The following OSBPL8 variants were observed in gnomAD, a reference collection of about 807,000 sequenced individuals.
OSBPL8 encodes oxysterol-binding protein-related protein 8.
Under a neutral mutation model 125.5 loss-of-function variants are expected in OSBPL8, and 59 were observed. That is an observed-to-expected ratio of 0.47 (90% CI 0.38 to 0.58). OSBPL8 has a LOEUF of 0.58. Ranked by LOEUF, OSBPL8 falls within the 20% of genes least tolerant of loss-of-function variation. The pLI is 0.00. For synonymous variants in OSBPL8, 330 were observed against 338.9 expected (o/e 0.97, Z 0.29); for missense variants, 758 against 1,047.8 (o/e 0.72, Z 3.82).
chr12:76,396,791 T>C (rs548443367), intron 8 of OSBPL8, among the ~76,000 whole-genome samples: 1 of 152,214 alleles, frequency 6.6e-6, no homozygotes, highest in African/African-American at 2.4e-5. Context: ...TAAACTTGAT[T>C]CATTTATTCA....
chr12:76,433,034 A>G (rs904416690), intron 4 of OSBPL8, among the ~76,000 whole-genome samples: 2 of 152,218 alleles, frequency 1.3e-5, no homozygotes, highest in Non-Finnish European at 2.9e-5. Flanking sequence ...ACATCTATTC[A>G]TAACAAAAAC....
chr12:76,359,961 A>G (rs920034343), intron 21 of OSBPL8, among the ~76,000 whole-genome samples: 7 of 152,202 alleles, frequency 4.6e-5, no homozygotes, highest in Admixed American at 6.5e-5. Flanking sequence ...GGGTGAGGAC[A>G]CAGAGCCAAA....
chr12:76,424,878 T>C (rs1171025212), intron 4 of OSBPL8, among the ~76,000 whole-genome samples: 5 of 151,956 alleles, frequency 3.3e-5, no homozygotes, highest in Admixed American at 2.6e-4. Flanking sequence ...AAAGTACATA[T>C]CCAGGAGAGG....
chr12:76,407,613 G>C (rs948512064), intron 5 of OSBPL8, among the ~76,000 whole-genome samples: 2 of 152,144 alleles, frequency 1.3e-5, no homozygotes, highest in African/African-American at 4.8e-5. Context: ...AATAAACTAA[G>C]ATTAAATCTA....
rs566287855 is a variant in OSBPL8, at chr12:76,384,440, T to C, written c.1534-90A>G. 1.0e-4 allele frequency: 71 copies of C among 698,638 alleles called. No individual in the cohort carries two copies. The African/African-American group carries it at 1.2e-3, about 12-fold the overall frequency. The allele number at this position is 698,638 out of a possible 1,614,324, so 43.3% of individuals were successfully genotyped here. A position where few individuals can be genotyped will look rare whatever the true frequency, so the allele number is the denominator to read the frequency against. On this transcript the variant is annotated intron_variant, in intron 14 of 23. Coordinates refer to ENST00000261183, the MANE Select transcript of OSBPL8 (RefSeq NM_020841.5). ...AGATAAGCATATTATTGTGCCATTATCAAAAGTTCAAGTCTTATAATGAGT... is the reference window on the plus strand; with the variant it reads ...AGATAAGCATATTATTGTGCCATTACCAAAAGTTCAAGTCTTATAATGAGT...
At chr12:76,477,901 A>AT (rs879268483) in intron 2 of OSBPL8, among the ~76,000 whole-genome samples, 5 of 151,888 alleles carry the variant, frequency 3.3e-5, no homozygotes, top group Non-Finnish European at 7.4e-5. Context: ...AAAAAAAAAA[A>AT]TTGAAAACAA....
intron 19 of OSBPL8, chr12:76,371,198 C>A (rs1952605704): frequency 3.5e-6 from 1 of 286,106 alleles, no homozygotes; most frequent in Non-Finnish European, 6.3e-6. Flanking sequence ...TTCTTTCTTT[C>A]TTTTTTTTTA....
At chr12:76,427,631 CATT>C (rs960704252) in intron 4 of OSBPL8, among the ~76,000 whole-genome samples, 6 of 151,930 alleles carry the variant, frequency 3.9e-5, no homozygotes, top group African/African-American at 1.4e-4. Flanking sequence ...ATTTTTAAAA[CATT>C]ATATATACCT....
intron 1 of OSBPL8, among the ~76,000 whole-genome samples, chr12:76,490,505 CA>C (rs1878603297): frequency 6.6e-6 from 1 of 152,230 alleles, no homozygotes; most frequent in African/African-American, 2.4e-5. Context: ...GGCGTAACTT[CA>C]GAGAAGAATC....
intron 1 of OSBPL8, among the ~76,000 whole-genome samples, chr12:76,517,829 C>T (rs1460784573): frequency 6.6e-6 from 1 of 152,140 alleles, no homozygotes; most frequent in East Asian, 1.9e-4. Flanking sequence ...AGGTGCCATA[C>T]TCTTTCAAAC....
chr12:76,557,130 C>T (rs1187446128), intron 1 of OSBPL8, among the ~76,000 whole-genome samples: 1 of 152,144 alleles, frequency 6.6e-6, no homozygotes, highest in Non-Finnish European at 1.5e-5. Context: ...CATGACATTT[C>T]AGGCATTGTT....
chr12:76,485,654 T>G (rs919288398), intron 2 of OSBPL8, among the ~76,000 whole-genome samples: 3 of 152,208 alleles, frequency 2.0e-5, no homozygotes, highest in African/African-American at 7.2e-5. Context: ...GACACTTTAT[T>G]CAGAAATATA....
chr12:76,463,937 T>G (rs943392069), intron 2 of OSBPL8, among the ~76,000 whole-genome samples: 8 of 152,328 alleles, frequency 5.3e-5, no homozygotes, highest in African/African-American at 1.9e-4. Context: ...CAAATTTGTA[T>G]AGTACCATGT....
At chr12:76,356,242 T>C (rs1416701303) in intron 23 of OSBPL8, among the ~76,000 whole-genome samples, 1 of 152,108 alleles carries the variant, frequency 6.6e-6, no homozygotes, top group Non-Finnish European at 1.5e-5. Context: ...GTTATGGATG[T>C]ATTTCAATAT....
intron 21 of OSBPL8, among the ~76,000 whole-genome samples, chr12:76,362,621 C>T (rs1952249342): frequency 6.6e-6 from 1 of 152,168 alleles, no homozygotes; most frequent in African/African-American, 2.4e-5. Flanking sequence ...AAAACCAGCA[C>T]AAGACAAGGA....
chr12:76,416,328 C>G (rs146094005), intron 4 of OSBPL8, among the ~76,000 whole-genome samples: 3 of 152,108 alleles, frequency 2.0e-5, no homozygotes, highest in African/African-American at 7.2e-5. Context: ...TATGGCACAG[C>G]ATATGAGCAA....
Position 76,355,712 on chromosome 12 carries a change from T to C in OSBPL8, c.*177A>G, listed in dbSNP as rs944694307. 4 of 613,642 alleles carry C rather than the reference T, an allele frequency of 6.5e-6. No individual in the cohort carries two copies. The highest frequency in any genetic ancestry group is 4.5e-5 in the South Asian group (2 of 44,192). 38.0% of individuals were successfully genotyped at this position (613,642 alleles called of 1,614,324 possible). A position where few individuals can be genotyped will look rare whatever the true frequency, so the allele number is the denominator to read the frequency against. On this transcript the variant is annotated 3_prime_UTR_variant, in exon 24 of 24. Transcript: ENST00000261183. ...AGCTCACTTTAATAATCAAATAGGA[T>C]AGCTCTTGTTTCAGTGTGAAGATAA...
At chr12:76,417,488 C>CA (rs1393845060) in intron 4 of OSBPL8, among the ~76,000 whole-genome samples, 7 of 151,734 alleles carry the variant, frequency 4.6e-5, no homozygotes, top group Non-Finnish European at 8.8e-5. Flanking sequence ...TATTTATGAC[C>CA]AAAAAAAGAC....
At chr12:76,385,616 T>A (rs751107494) in intron 14 of OSBPL8, among the ~76,000 whole-genome samples, 3 of 152,058 alleles carry the variant, frequency 2.0e-5, no homozygotes, top group Non-Finnish European at 4.4e-5. Flanking sequence ...GTCATGTGCA[T>A]CATGAAGAAT....
Sources: allele counts gnomAD v4.1 joint callset (sites outside exome capture counted in the v4.1 genomes callset), GRCh38; gene constraint gnomAD v4.1.1; transcripts MANE v1.5; gene names NCBI Gene and HGNC (gene_info 2026-07-23, HGNC 2026-07-21).